The following SPRR2B variants were observed in gnomAD, a reference collection of about 807,000 sequenced individuals.
SPRR2B encodes the protein small proline rich protein 2B.
SPRR2B carries 1 observed loss-of-function variant against 1.0 expected under a neutral mutation model. The ratio of observed to expected loss-of-function variants is 1.01; its 90% CI spans 0.36 to 4.77. SPRR2B has a LOEUF of 4.77. SPRR2B is among the 30% of genes most tolerant of loss of function. The probability of loss-of-function intolerance (pLI) is 0.16; values close to 1 mark genes in which losing one functional copy is unlikely to be tolerated. For missense variants in SPRR2B, 53 were observed against 88.7 expected, an observed-to-expected ratio of 0.60 and a Z score of 1.62; for synonymous variants, 27 against 33.4, an observed-to-expected ratio of 0.81 and a Z score of 0.66.
chr1:153,074,729 T>A (rs1654739875), upstream of SPRR2B, among the ~76,000 whole-genome samples: 1 of 152,278 alleles, frequency 6.6e-6, no homozygotes, highest in Non-Finnish European at 1.5e-5. Context: ...TTTCTTGTTT[T>A]ACTTTTCAAA....
the SPRR2B span, among the ~76,000 whole-genome samples, chr1:153,083,448 T>C: frequency 6.6e-6 from 1 of 152,082 alleles, no homozygotes; most frequent in Non-Finnish European, 1.5e-5. Context: ...GCATACCAGA[T>C]CATTCCTGTG....
chr1:153,073,695 TCA>T (rs4041380), upstream of SPRR2B, among the ~76,000 whole-genome samples: 7,463 of 144,288 alleles, frequency 0.052, 327 homozygotes, highest in African/African-American at 0.13. Flanking sequence ...GAGGCATACT[TCA>T]CACACACACA....
chr1:153,081,050 C>T, the SPRR2B span, among the ~76,000 whole-genome samples: 1 of 152,128 alleles, frequency 6.6e-6, no homozygotes, highest in Non-Finnish European at 1.5e-5. Context: ...GGCTGTAGGC[C>T]TATTTATATG....
chr1:153,079,476 A>T, the SPRR2B span, among the ~76,000 whole-genome samples: 2 of 152,276 alleles, frequency 1.3e-5, no homozygotes, highest in African/African-American at 4.8e-5. Flanking sequence ...TAGGTTTTCT[A>T]CTAGAGTTTT....
chr1:153,074,292 C>T (rs1416364441), upstream of SPRR2B, among the ~76,000 whole-genome samples: 1 of 152,096 alleles, frequency 6.6e-6, no homozygotes. Context: ...CATTTTATCT[C>T]ACATTTCAAT....
the SPRR2B span, among the ~76,000 whole-genome samples, chr1:153,077,939 T>C: frequency 6.6e-6 from 1 of 152,166 alleles, no homozygotes; most frequent in East Asian, 1.9e-4. Flanking sequence ...CACAAAAATG[T>C]TTTCGAGTAT....
chr1:153,074,375 C>G (rs7532166), upstream of SPRR2B, among the ~76,000 whole-genome samples: 51,889 of 151,934 alleles, frequency 0.34, 10,036 homozygotes, highest in Non-Finnish European at 0.45. Context: ...AATAAAGAAA[C>G]AAAATTATGG....
In SPRR2B at chr1:153,070,368, T is replaced by G. The variant is rs1028845058; in HGVS notation, c.*253A>C. On this transcript the variant is annotated 3_prime_UTR_variant, in exon 2 of 2. Coordinates refer to ENST00000368755, the MANE Select transcript of SPRR2B (RefSeq NM_001388198.1). Reference sequence around the variant, plus strand: ...TTCCCAGGCACACAGCTGCAGCTCTTTCTGCTGAAGCTCTGGGAACTGACA... The same window carrying G: ...TTCCCAGGCACACAGCTGCAGCTCTGTCTGCTGAAGCTCTGGGAACTGACA... 3 of 644,566 alleles carry G rather than the reference T, an allele frequency of 4.7e-6. No homozygotes were observed. In the East Asian group the frequency reaches 8.4e-5, roughly 18 times the overall value. The allele number at this position is 644,566 out of a possible 1,614,324, so 39.9% of individuals were successfully genotyped here.
At chr1:153,072,891 T>C (rs1654698801), upstream of SPRR2B, among the ~76,000 whole-genome samples, 1 of 152,190 alleles carries the variant, frequency 6.6e-6, no homozygotes, top group South Asian at 2.1e-4. Context: ...TATTAAACAC[T>C]TAAAATACTG....
the SPRR2B span, among the ~76,000 whole-genome samples, chr1:153,080,071 G>A: frequency 6.6e-6 from 1 of 151,906 alleles, no homozygotes; most frequent in Non-Finnish European, 1.5e-5. Context: ...TCCTTGAAGA[G>A]GTCCTTCAAA....
chr1:153,081,268 A>G, the SPRR2B span, among the ~76,000 whole-genome samples: 1 of 152,230 alleles, frequency 6.6e-6, no homozygotes, highest in Admixed American at 6.5e-5. Flanking sequence ...AATTATAATC[A>G]AATTATCAAA....
chr1:153,087,319 A>C, the SPRR2B span, among the ~76,000 whole-genome samples: 3 of 152,072 alleles, frequency 2.0e-5, no homozygotes, highest in African/African-American at 7.2e-5. Flanking sequence ...CAATGCAAAA[A>C]CATAACATCA....
At chr1:153,075,225 C>T (rs149016113), upstream of SPRR2B, among the ~76,000 whole-genome samples, 2,513 of 152,142 alleles carry the variant, frequency 0.017, 69 homozygotes, top group African/African-American at 0.057. Flanking sequence ...GGCCTGTAAT[C>T]CCAGCTACTC....
chr1:153,078,820 A>G, the SPRR2B span, among the ~76,000 whole-genome samples: 1 of 152,188 alleles, frequency 6.6e-6, no homozygotes, highest in Non-Finnish European at 1.5e-5. Flanking sequence ...GCTGCAATAA[A>G]CATATGTGTG....
chr1:153,070,506 A>C lies in SPRR2B; in HGVS notation c.*115T>G, dbSNP rs1654633788. 6.6e-7 allele frequency: 1 copy of C among 1,520,160 alleles called. No homozygotes were observed. Among genetic ancestry groups the C allele is most frequent in the South Asian group, 1.3e-5 (1 of 76,896 alleles). 94.2% of individuals were successfully genotyped at this position (1,520,160 alleles called of 1,614,324 possible). A position where few individuals can be genotyped will look rare whatever the true frequency, so the allele number is the denominator to read the frequency against. On this transcript the variant is annotated 3_prime_UTR_variant, in exon 2 of 2. Transcript: ENST00000368755. Reference sequence around the variant, plus strand: ...ATGGGCAGATCACAGGCTAAGGGGAAAGAAGCTCCCTATGAATCCATGATA... The same window carrying C: ...ATGGGCAGATCACAGGCTAAGGGGACAGAAGCTCCCTATGAATCCATGATA...
At chr1:153,077,636 C>T in the SPRR2B span, among the ~76,000 whole-genome samples, 1,435 of 128,788 alleles carry the variant, frequency 0.011, 25 homozygotes, top group African/African-American at 0.038. Flanking sequence ...TTTTTTTTTT[C>T]GACACAGTCT....
At chr1:153,080,661 G>T in the SPRR2B span, among the ~76,000 whole-genome samples, 1 of 152,126 alleles carries the variant, frequency 6.6e-6, no homozygotes, top group African/African-American at 2.4e-5. Flanking sequence ...TGAGAGTCCT[G>T]CAAATTCTAC....
At chr1:153,072,884 T>A (rs1169329038), upstream of SPRR2B, among the ~76,000 whole-genome samples, 1 of 152,218 alleles carries the variant, frequency 6.6e-6, no homozygotes, top group Non-Finnish European at 1.5e-5. Context: ...CATCATATAT[T>A]AAACACTTAA....
At chr1:153,071,393 G>A (rs1426542707) in intron 1 of SPRR2B, among the ~76,000 whole-genome samples, 176 bp downstream of exon 1, 2 of 152,138 alleles carry the variant, frequency 1.3e-5, no homozygotes, top group African/African-American at 4.8e-5. Flanking sequence ...ACATATAACT[G>A]TATATATTTT....
Sources: allele counts gnomAD v4.1 joint callset (sites outside exome capture counted in the v4.1 genomes callset), GRCh38; gene constraint gnomAD v4.1.1; transcripts MANE v1.5; gene names NCBI Gene and HGNC (gene_info 2026-07-23, HGNC 2026-07-21).